The following C11orf65 variants were observed in gnomAD, a reference collection of about 807,000 sequenced individuals.
The protein encoded by C11orf65 is protein MFI.
Under a neutral mutation model 35.3 loss-of-function variants are expected in C11orf65, and 38 were observed. That is an observed-to-expected ratio of 1.08 (90% CI 0.83 to 1.41). The LOEUF (loss-of-function observed/expected upper bound fraction) is 1.41. C11orf65 is among the 40% of genes most tolerant of loss of function. C11orf65 has a pLI of 0.00. For missense variants in C11orf65, 370 were observed against 367.1 expected, an observed-to-expected ratio of 1.01 and a Z score of -0.06; for synonymous variants, 105 against 114.4, an observed-to-expected ratio of 0.92 and a Z score of 0.53.
intron 3 of C11orf65, chr11:108,332,184 T>A: frequency 9.6e-7 from 1 of 1,043,272 alleles, no homozygotes; most frequent in Non-Finnish European, 1.4e-6. Flanking sequence ...TCCCAGCACT[T>A]TGGGAGGCTG....
chr11:108,392,158 T>C (rs985674860), intron 7 of C11orf65, among the ~76,000 whole-genome samples: 1 of 152,080 alleles, frequency 6.6e-6, no homozygotes, highest in African/African-American at 2.4e-5. Context: ...GAGAACCTCT[T>C]ACCTCAGCCT....
intron 3 of C11orf65, among the ~76,000 whole-genome samples, chr11:108,334,624 C>G (rs192487418): frequency 2.0e-5 from 3 of 152,254 alleles, no homozygotes; most frequent in Non-Finnish European, 4.4e-5. Flanking sequence ...TGCTGTTTTT[C>G]TAGCTATATC....
downstream of C11orf65, among the ~76,000 whole-genome samples, chr11:108,378,826 C>T (rs1296324222): frequency 1.3e-5 from 2 of 148,630 alleles, no homozygotes; most frequent in Middle Eastern, 3.5e-3. Flanking sequence ...AGGACATGAA[C>T]AGACACTTCT....
chr11:108,419,312 A>T (rs1470941967), intron 3 of C11orf65, among the ~76,000 whole-genome samples: 1 of 152,244 alleles, frequency 6.6e-6, no homozygotes, highest in Admixed American at 6.5e-5. Context: ...AGACGATTTA[A>T]CATTCAAACA....
chr11:108,383,869 CCTTTTT>C (rs1313027667), intron 8 of C11orf65, among the ~76,000 whole-genome samples: 4 of 91,704 alleles, frequency 4.4e-5, no homozygotes, highest in Non-Finnish European at 7.8e-5. Flanking sequence ...TATATTGTTT[CCTTTTT>C]TTTTTTTTTT....
intron 3 of C11orf65, among the ~76,000 whole-genome samples, chr11:108,418,213 G>A (rs2092767718): frequency 6.6e-6 from 1 of 152,036 alleles, no homozygotes; most frequent in African/African-American, 2.4e-5. Flanking sequence ...AAAATATTCA[G>A]TAAGGCTATA....
chr11:108,355,113 G>A, intron 2 of C11orf65: 1 of 519,554 alleles, frequency 1.9e-6, no homozygotes, highest in Non-Finnish European at 3.5e-6. Context: ...GTAGTCTCTA[G>A]TTTTCAATTC....
At position 108,444,330 on chromosome 11, in the gene C11orf65, C is replaced by T. The variant is rs1026045757; in HGVS notation, c.82-12492G>A. 6.6e-5 allele frequency among the ~76,000 whole-genome samples: 10 copies of T among 152,006 alleles called. No individual in the cohort carries two copies. In the East Asian group the frequency reaches 1.5e-3, roughly 23 times the overall value. Reference sequence around the variant, plus strand: ...TGAAATTGAGGCAATAATTAATAGCCTACCAACCAAAAAAAAGTCCAGGAC... The same window carrying T: ...TGAAATTGAGGCAATAATTAATAGCTTACCAACCAAAAAAAAGTCCAGGAC... On this transcript the variant is annotated intron_variant, in intron 2 of 8. Coordinates refer to ENST00000393084, the MANE Select transcript of C11orf65 (RefSeq NM_152587.5).
chr11:108,443,192 C>CA (rs1418976602), intron 2 of C11orf65, among the ~76,000 whole-genome samples: 1 of 151,146 alleles, frequency 6.6e-6, no homozygotes, highest in Non-Finnish European at 1.5e-5. Flanking sequence ...TCTGATAAAA[C>CA]AGACTTACAC....
At chr11:108,340,945 T>C (rs985455711) in intron 2 of C11orf65, among the ~76,000 whole-genome samples, 4 of 152,342 alleles carry the variant, frequency 2.6e-5, no homozygotes, top group Non-Finnish European at 4.4e-5. Context: ...GAGGTTTTTT[T>C]GGTGAATATT....
chr11:108,431,710 A>T, intron 3 of C11orf65, 36 bp downstream of exon 3: 1 of 1,122,894 alleles, frequency 8.9e-7, no homozygotes, highest in Middle Eastern at 2.8e-4. Context: ...TTTATGGAAA[A>T]ATATAGGATG....
chr11:108,361,986 G>T (rs1204887425), intron 2 of C11orf65, among the ~76,000 whole-genome samples: 7 of 132,912 alleles, frequency 5.3e-5, no homozygotes, highest in African/African-American at 2.0e-4. Flanking sequence ...CACAGCAAAA[G>T]AAACTACCAT....
At chr11:108,317,652 T>TATATATATATATATACACACACACACAC (rs1399501257) in intron 6 of C11orf65, 1 of 117,468 alleles carries the variant, frequency 8.5e-6, no homozygotes, top group African/African-American at 5.1e-5. Context: ...TATATATATA[T>TATATATATATATATACACACACACACAC]ACACACACAC....
exon 3 of C11orf65, chr11:108,335,276 C>T: frequency 1.3e-6 from 2 of 1,521,636 alleles, no homozygotes; most frequent in Non-Finnish European, 1.8e-6. Flanking sequence ...AGGCTTTTCT[C>T]CATTTTTTTT....
chr11:108,393,327 T>C lies in C11orf65; in HGVS notation c.612A>G (p.Gly204=), dbSNP rs766370845. 1.2e-6 allele frequency: 2 copies of C among 1,614,078 alleles called. No individual in the cohort carries two copies. Among genetic ancestry groups the C allele is most frequent in the Admixed American group, 1.7e-5 (1 of 60,012 alleles). The part of the protein sequence containing the change: ...EAKSTHHETL[G]LIHTATKGLI... Reference sequence around the variant, plus strand: ...GCCCCTTTGTTGCAGTGTGAATTAGTCCTAGAGTTTCATGATGTGTTGACT... The same window carrying C: ...GCCCCTTTGTTGCAGTGTGAATTAGCCCTAGAGTTTCATGATGTGTTGACT... Residue 204 remains glycine, a synonymous_variant, in exon 7 of 9, where the codon GGA becomes GGG. Transcript: ENST00000393084.
chr11:108,349,446 C>T (rs143490066), intron 2 of C11orf65, among the ~76,000 whole-genome samples: 120 of 152,184 alleles, frequency 7.9e-4, no homozygotes, highest in African/African-American at 2.6e-3. Context: ...AGGTGGATCA[C>T]GAGGTCAGGA....
intron 2 of C11orf65, among the ~76,000 whole-genome samples, chr11:108,445,641 C>T (rs987988158): frequency 9.9e-5 from 15 of 152,084 alleles, no homozygotes; most frequent in African/African-American, 3.6e-4. Flanking sequence ...TAATCAAACA[C>T]CAAAAGTAGA....
intron 2 of C11orf65, among the ~76,000 whole-genome samples, chr11:108,454,853 G>A (rs1297182684): frequency 2.0e-5 from 3 of 151,972 alleles, no homozygotes; most frequent in African/African-American, 7.2e-5. Flanking sequence ...CTTTTCTATT[G>A]TTTTTCTAGT....
chr11:108,369,443 C>T (rs1487755074), intron 2 of C11orf65, among the ~76,000 whole-genome samples: 1 of 152,106 alleles, frequency 6.6e-6, no homozygotes, highest in African/African-American at 2.4e-5. Context: ...GTGCAAAGAT[C>T]CTGGTATCCT....
Sources: gnomAD v4.1 joint callset for allele counts (sites outside exome capture counted in the v4.1 genomes callset) on GRCh38, gnomAD v4.1.1 for gene constraint, MANE v1.5 for transcripts, NCBI Gene and HGNC (gene_info 2026-07-23, HGNC 2026-07-21) for gene names.